ZNF836: variants seen among roughly 807,000 people sequenced by gnomAD.
ZNF836 encodes zinc finger protein 836.
ZNF836 carries 12 observed loss-of-function variants against 7.4 expected under a neutral mutation model. The ratio of observed to expected loss-of-function variants is 1.61; its 90% CI spans 1.03 to 2.61. The LOEUF (loss-of-function observed/expected upper bound fraction) is 2.61, where lower values mean the gene tolerates loss of function less well. Ranked by LOEUF, ZNF836 falls within the 30% of genes most tolerant of loss-of-function variation. The pLI is 0.00. For synonymous variants in ZNF836, 365 were observed against 382.6 expected (o/e 0.95, Z 0.54); for missense variants, 998 against 1,126.2 (o/e 0.89, Z 1.63).
At chr19:52,158,335 A>G (rs1364844657) in intron 4 of ZNF836, among the ~76,000 whole-genome samples, 1 of 152,212 alleles carries the variant, frequency 6.6e-6, no homozygotes, top group Non-Finnish European at 1.5e-5. Context: ...ATAAATGGCA[A>G]GCTAGAATTA....
At chr19:52,158,440 C>T (rs1187413655) in intron 4 of ZNF836, among the ~76,000 whole-genome samples, 1 of 151,876 alleles carries the variant, frequency 6.6e-6, no homozygotes, top group African/African-American at 2.4e-5. Context: ...AGTATTAAAC[C>T]TGTTCTAAAA....
At position 52,160,445 on chromosome 19, in the gene ZNF836, T is replaced by C; in HGVS notation, c.142+20A>G. 1 of 1,614,114 alleles carries C rather than the reference T, an allele frequency of 6.2e-7. No homozygotes were observed. ...ATACACGAGGGCAGATCTTAACTTCTAGAGCAAAATTATCCTTACCCAGGA... is the reference window on the plus strand; with the variant it reads ...ATACACGAGGGCAGATCTTAACTTCCAGAGCAAAATTATCCTTACCCAGGA... On this transcript the variant is annotated intron_variant, in intron 4 of 4. Coordinates refer to ENST00000682614, the MANE Select transcript of ZNF836 (RefSeq NM_001102657.3).
At chr19:52,158,294 TATC>T (rs2089184101) in intron 4 of ZNF836, among the ~76,000 whole-genome samples, 2 of 152,148 alleles carry the variant, frequency 1.3e-5, no homozygotes. Flanking sequence ...TACAGCTAAA[TATC>T]AACAAGTTCA....
chr19:52,168,456 C>T (rs1430958399), intron 2 of ZNF836, among the ~76,000 whole-genome samples: 1 of 152,038 alleles, frequency 6.6e-6, no homozygotes, highest in Non-Finnish European at 1.5e-5. Context: ...GGTGTGGTGG[C>T]ATGCACCTGT....
intron 2 of ZNF836, among the ~76,000 whole-genome samples, 152 bp downstream of exon 2, chr19:52,169,496 T>C (rs1033874739): frequency 2.4e-4 from 36 of 151,946 alleles, no homozygotes; most frequent in African/African-American, 8.5e-4. Context: ...AGAGAATCAC[T>C]TGAACCTGGG....
chr19:52,168,086 T>C lies in ZNF836; in HGVS notation c.-14A>G, dbSNP rs1300275746. On this transcript the variant is annotated 5_prime_UTR_variant, in exon 3 of 5. Coordinates refer to ENST00000682614, the MANE Select transcript of ZNF836 (RefSeq NM_001102657.3). ...TGTAAGAGCCATCCCTGACTCCTTT[T>C]CTTTCCTCTTCTTCCTCTTCTGGGC... 6.2e-7 allele frequency: 1 copy of C among 1,612,256 alleles called. No individual in the cohort carries two copies. The highest frequency in any genetic ancestry group is 1.1e-5 in the South Asian group (1 of 90,928).
At chr19:52,168,239 A>G in intron 2 of ZNF836, 87 bp from the exon 3 acceptor site, 1 of 802,390 alleles carries the variant, frequency 1.2e-6, no homozygotes, top group Non-Finnish European at 1.9e-6. Flanking sequence ...AGACCTCAGC[A>G]TGTGGAGAGA....
In ZNF836 at chr19:52,155,833, T is replaced by A. The variant is rs1336231395; in HGVS notation, c.1850A>T (p.Lys617Met). ...AAGGTTTCCACTGTCATTGAAGACC[T>A]TGCCACACACATTACATTTGTAAGG... ...QKPYKCNVCGKVFNDSGNLSN... is the reference protein window; with the variant it reads ...QKPYKCNVCGMVFNDSGNLSN... The change falls in exon 5 of 5, where the codon AAG (lysine) becomes ATG (methionine). Residue 617 changes from lysine to methionine, a missense_variant. Transcript: ENST00000682614. 6.2e-7 allele frequency: 1 copy of A among 1,614,048 alleles called. No individual in the cohort carries two copies. Among genetic ancestry groups the A allele is most frequent in the Non-Finnish European group, 8.5e-7 (1 of 1,179,910 alleles).
chr19:52,167,986 G>T, intron 3 of ZNF836, 72 bp downstream of exon 3: 1 of 1,177,742 alleles, frequency 8.5e-7, no homozygotes, highest in Non-Finnish European at 1.3e-6. Context: ...ACTCAGAGGA[G>T]ATTCGCAACT....
In ZNF836 at chr19:52,155,341, T is replaced by A. The variant is rs372714927; in HGVS notation, c.2342A>T (p.Asn781Ile). ...ATGACGAAAGACCTTGCCACATTCA[T>A]TACATTTGTAAGGTTTCTCTCCAGT... The part of the protein sequence containing the change: ...IHTGEKPYKC[N>I]ECGKVFRHQS... Residue 781 changes from asparagine (N) to isoleucine (I), a missense_variant, in exon 5 of 5, where the codon AAT (asparagine) becomes ATT (isoleucine). Transcript: ENST00000682614. 4.3e-6 allele frequency: 7 copies of A among 1,614,072 alleles called. No homozygotes were observed. The African/African-American group carries it at 5.3e-5, about 12-fold the overall frequency.
At position 52,154,195 on chromosome 19, in the gene ZNF836, C is replaced by CTGGGACT; in HGVS notation, c.*676_*677insAGTCCCA. On this transcript the variant is annotated 3_prime_UTR_variant, in exon 5 of 5. Coordinates refer to ENST00000682614, the MANE Select transcript of ZNF836 (RefSeq NM_001102657.3). ...CCTCCTGAGTAGCTGGGATTACAGG[C>CTGGGACT]ATGCATCACCATGCCTGGCTAATGT... The CTGGGACT allele has an allele frequency of 6.6e-6, 1 of 151,990 alleles. No homozygotes were observed. The highest frequency in any genetic ancestry group is 1.5e-5 in the Non-Finnish European group (1 of 68,064). 9.4% of individuals were successfully genotyped at this position (151,990 alleles called of 1,614,324 possible). A position where few individuals can be genotyped will look rare whatever the true frequency, so the allele number is the denominator to read the frequency against.
intron 3 of ZNF836, among the ~76,000 whole-genome samples, chr19:52,166,723 G>A (rs550703825): frequency 7.7e-4 from 117 of 151,424 alleles, no homozygotes; most frequent in Middle Eastern, 6.8e-3. Context: ...ACAGGCCCCC[G>A]CCACCACGCC....
intron 1 of ZNF836, among the ~76,000 whole-genome samples, chr19:52,170,208 AT>A (rs1347953105): frequency 6.6e-6 from 1 of 150,974 alleles, no homozygotes; most frequent in Non-Finnish European, 1.5e-5. Flanking sequence ...TCTCCTCTTT[AT>A]GTCTGTTCTG....
At chr19:52,169,238 A>G (rs1377103447) in intron 2 of ZNF836, among the ~76,000 whole-genome samples, 1 of 152,218 alleles carries the variant, frequency 6.6e-6, no homozygotes, top group African/African-American at 2.4e-5. Flanking sequence ...GAATAAACTA[A>G]CACTTATCTC....
Position 52,155,440 on chromosome 19 carries a change from A to C in ZNF836, c.2243T>G (p.Met748Arg), listed in dbSNP as rs1222721055. Residue 748 changes from methionine to arginine, a missense_variant, in exon 5 of 5, where the codon ATG (methionine) becomes AGG (arginine). Coordinates refer to ENST00000682614, the MANE Select transcript of ZNF836 (RefSeq NM_001102657.3). ...GCCACATTCAATACATTTGTATGGC[A>C]TCTCTCCAGTATGCCTTCTCTGATG... ...TYHQRRHTGE[M>R]PYKCIECGQV... The C allele has an allele frequency of 6.2e-7, 1 of 1,614,010 alleles. No homozygotes were observed. The highest frequency in any genetic ancestry group is 1.7e-4 in the Middle Eastern group (1 of 6,058).
At chr19:52,159,257 C>T (rs925992710) in intron 4 of ZNF836, among the ~76,000 whole-genome samples, 1 of 152,150 alleles carries the variant, frequency 6.6e-6, no homozygotes, top group Admixed American at 6.5e-5. Context: ...ATTTGTGAGT[C>T]TTTACTATAA....
Position 52,157,094 on chromosome 19 carries a change from T to C in ZNF836, c.589A>G (p.Asn197Asp). The C allele has an allele frequency of 6.2e-7, 1 of 1,613,910 alleles. No homozygotes were observed. The highest frequency in any genetic ancestry group is 8.5e-7 in the Non-Finnish European group (1 of 1,179,862). The change falls in exon 5 of 5, where the codon AAT becomes GAT. Residue 197 changes from asparagine to aspartate, a missense_variant. Physicochemically the swap from Asn to Asp is conservative, Grantham distance 23. Coordinates refer to ENST00000682614, the MANE Select transcript of ZNF836 (RefSeq NM_001102657.3). ...GGTAATGACAGCTGCAAAAACTCAT[T>C]CTCATATTTTTTAGAAATGTTGGTT... ...VQTNISKKYE[N>D]EFLQLSLPTQ...
chr19:52,166,755 T>C (rs2089268326), intron 3 of ZNF836, among the ~76,000 whole-genome samples: 1 of 150,994 alleles, frequency 6.6e-6, no homozygotes, highest in African/African-American at 2.4e-5. Flanking sequence ...TTTTTTTTTA[T>C]TTTTTAGTAG....
In ZNF836 at chr19:52,155,003, C is replaced by T. The variant is rs200589534; in HGVS notation, c.2680G>A (p.Glu894Lys). The change falls in exon 5 of 5, where the codon GAG (glutamate) becomes AAG (lysine). Residue 894 changes from glutamate to lysine, a missense_variant. Physicochemically the swap from Glu to Lys is moderately conservative, Grantham distance 56 (BLOSUM62 1). Transcript: ENST00000682614. The part of the protein sequence containing the change: ...HSGEKPYKCN[E>K]CGKSFISRSG... Reference sequence around the variant, plus strand: ...CGACTAATGAAAGATTTGCCACACTCATTACATTTATAAGGTTTTTCTCCA... The same window carrying T: ...CGACTAATGAAAGATTTGCCACACTTATTACATTTATAAGGTTTTTCTCCA... 4 of 1,613,816 alleles carry T rather than the reference C, an allele frequency of 2.5e-6. No homozygotes were observed. Among genetic ancestry groups the T allele is most frequent in the East Asian group, 4.5e-5 (2 of 44,882 alleles).
Sources: allele counts gnomAD v4.1 joint callset (sites outside exome capture counted in the v4.1 genomes callset), GRCh38; gene constraint gnomAD v4.1.1; transcripts MANE v1.5; gene names NCBI Gene and HGNC (gene_info 2026-07-23, HGNC 2026-07-21).